ARHGAP45: variants seen among roughly 807,000 people sequenced by gnomAD.
ARHGAP45 encodes rho GTPase-activating protein 45.
ARHGAP45 carries 56 observed loss-of-function variants against 116.1 expected under a neutral mutation model. That is an observed-to-expected ratio of 0.48 (90% CI 0.39 to 0.60). ARHGAP45 has a LOEUF of 0.60. Ranked by LOEUF, ARHGAP45 falls within the 20% of genes least tolerant of loss-of-function variation. ARHGAP45 has a pLI of 0.00. For synonymous variants in ARHGAP45, 866 were observed against 701.7 expected, an observed-to-expected ratio of 1.23 and a Z score of -3.70; for missense variants, 1,622 against 1,601.0, an observed-to-expected ratio of 1.01 and a Z score of -0.22.
Position 1,086,294 on chromosome 19 carries a change from G to A in ARHGAP45, c.*288G>A, listed in dbSNP as rs1450576369. 1 of 390,448 alleles carries A rather than the reference G, an allele frequency of 2.6e-6. No homozygotes were observed. The highest frequency in any genetic ancestry group is 4.7e-6 in the Non-Finnish European group (1 of 211,598). 24.2% of individuals were successfully genotyped at this position (390,448 alleles called of 1,614,324 possible). On this transcript the variant is annotated 3_prime_UTR_variant, in exon 23 of 23. Coordinates refer to ENST00000313093, the MANE Select transcript of ARHGAP45 (RefSeq NM_012292.5). ...ACAGTGGCCTTGTTGGTGCCCACAGGGCTGTGTGGATGGAGGAAGCTGTCC... is the reference window on the plus strand; with the variant it reads ...ACAGTGGCCTTGTTGGTGCCCACAGAGCTGTGTGGATGGAGGAAGCTGTCC...
At chr19:1,066,278 G>A (rs1256671482), upstream of ARHGAP45, 23 of 775,596 alleles carry the variant, frequency 3.0e-5, 1 homozygote, top group Admixed American at 3.0e-4. Flanking sequence ...TTCACACTGC[G>A]GGGTGGGGGT....
chr19:1,067,483 G>GC lies in ARHGAP45; in HGVS notation c.79dup (p.Gln27ProfsTer13). 2.5e-6 allele frequency: 4 copies of GC among 1,601,336 alleles called. No homozygotes were observed. The highest frequency in any genetic ancestry group is 3.4e-6 in the Non-Finnish European group (4 of 1,174,894). On this transcript the variant is annotated frameshift_variant, in exon 1 of 23. Transcript: ENST00000313093. LOFTEE classifies it high-confidence loss of function. The stretch of plus-strand genomic sequence containing the variant: ...AGAACCGCGCGGGAAGCCCCAGCCC[G>GC]CAGCCCTCGGGGGTGAGTGGAGCCC...
Position 1,085,665 on chromosome 19 carries a change from C to A in ARHGAP45, c.3070C>A (p.Arg1024=). ...EAAADGCRES[R]VVSNDSDSDL... ...CATCTGTCTCCCTTTCTTAGAATCC[C>A]GAGTTGTGTCCAACGATTCGGACTC... Residue 1024 remains arginine, a synonymous_variant, in exon 23 of 23, where the codon CGA becomes AGA. Transcript: ENST00000313093. 1.9e-6 allele frequency: 3 copies of A among 1,562,408 alleles called. No individual in the cohort carries two copies. Among genetic ancestry groups the A allele is most frequent in the South Asian group, 2.3e-5 (2 of 85,464 alleles).
Position 1,073,975 on chromosome 19 carries a change from A to G in ARHGAP45, c.751A>G (p.Ser251Gly). Residue 251 changes from serine (S) to glycine (G), a missense_variant, in exon 6 of 23, where the codon AGT becomes GGT. Ser to Gly is a moderately conservative substitution (Grantham distance 56). Around this residue, in one of 3 missense-constraint regions of ARHGAP45, gnomAD observed 1,334 missense variants for 1,263.8 expected, o/e 1.06. Coordinates refer to ENST00000313093, the MANE Select transcript of ARHGAP45 (RefSeq NM_012292.5). ...QSMESLYGPGSEGTPPSLEDC... is the reference protein window; with the variant it reads ...QSMESLYGPGGEGTPPSLEDC... ...CATGGAAAGCCTGTATGGACCGGGCAGTGAGGGCACGCCTCCCAGCCTGGA... is the reference window on the plus strand; with the variant it reads ...CATGGAAAGCCTGTATGGACCGGGCGGTGAGGGCACGCCTCCCAGCCTGGA... The G allele has an allele frequency of 6.3e-7, 1 of 1,588,984 alleles. No individual in the cohort carries two copies. The highest frequency in any genetic ancestry group is 8.6e-7 in the Non-Finnish European group (1 of 1,168,506).
At chr19:1,077,698 T>A (rs576051839) in intron 10 of ARHGAP45, 159 bp from the exon 11 acceptor site, 30 of 1,479,162 alleles carry the variant, frequency 2.0e-5, no homozygotes, top group African/African-American at 2.8e-5. Flanking sequence ...TCCTCCTGTT[T>A]TTCCGCTGCC....
rs752685085 is a variant in ARHGAP45 at position 1,085,723 on chromosome 19, C to A, written c.3128C>A (p.Ser1043Ter). Residue 1043 changes from serine to a stop codon, truncating the protein, a stop_gained, in exon 23 of 23, where the codon TCA becomes TAA. Transcript: ENST00000313093. LOFTEE classifies it low-confidence loss of function (END_TRUNC). The part of the protein sequence containing the change: ...DLEEASELLS[S>*]SEASALGHLS... Reference sequence around the variant, plus strand: ...GAGGAGGCCTCCGAGCTGCTGTCCTCATCGGAGGCCAGTGCCCTGGGCCAC... The same window carrying A: ...GAGGAGGCCTCCGAGCTGCTGTCCTAATCGGAGGCCAGTGCCCTGGGCCAC... 1 of 1,610,898 alleles carries A rather than the reference C, an allele frequency of 6.2e-7. No individual in the cohort carries two copies. Among genetic ancestry groups the A allele is most frequent in the Non-Finnish European group, 8.5e-7 (1 of 1,178,942 alleles).
rs769760489 is a variant in ARHGAP45 at position 1,081,832 on chromosome 19, C to T, written c.2388C>T (p.Tyr796=). ...ERRALRTKGI[Y]RVNGVKTRVE... is the part of the protein sequence containing the mutation. ...CCCCCGGGCTCCCGCAGGGCATCTA[C>T]CGGGTCAATGGGGTAAAGACACGCG... is the stretch of plus-strand genomic sequence containing the variant. Residue 796 remains tyrosine, a synonymous_variant, in exon 19 of 23, where the codon TAC becomes TAT. Coordinates refer to ENST00000313093, the MANE Select transcript of ARHGAP45 (RefSeq NM_012292.5). 2.1e-5 allele frequency: 34 copies of T among 1,609,046 alleles called. No individual in the cohort carries two copies. Among genetic ancestry groups the T allele is most frequent in the Non-Finnish European group, 2.9e-5 (34 of 1,178,294 alleles).
upstream of ARHGAP45, chr19:1,067,139 C>A: frequency 8.6e-7 from 1 of 1,166,696 alleles, no homozygotes; most frequent in Non-Finnish European, 1.1e-6. Flanking sequence ...GGGCTGGGGG[C>A]GGGGCCTGCG....
chr19:1,083,714 C>T (rs1029861147), intron 21 of ARHGAP45, among the ~76,000 whole-genome samples: 1 of 152,190 alleles, frequency 6.6e-6, no homozygotes. Context: ...TGCCACTGCA[C>T]TCCGCCGCGA....
In ARHGAP45 at chr19:1,074,421, G is replaced by A. The variant is rs1421061275; in HGVS notation, c.993+14G>A. On this transcript the variant is annotated intron_variant, in intron 8 of 22. Coordinates refer to ENST00000313093, the MANE Select transcript of ARHGAP45 (RefSeq NM_012292.5). ...GTCATGCAGGAGGTGGGGGCCCCGC[G>A]GGCACGGGGCGGGGGTCCCTGGGCC... 2.6e-6 allele frequency: 4 copies of A among 1,523,462 alleles called. No individual in the cohort carries two copies. The highest frequency in any genetic ancestry group is 2.5e-5 in the South Asian group (2 of 79,702). The allele number at this position is 1,523,462 out of a possible 1,614,324, so 94.4% of individuals were successfully genotyped here.
At chr19:1,076,531 C>G (rs1215906369) in intron 10 of ARHGAP45, among the ~76,000 whole-genome samples, 1 of 115,106 alleles carries the variant, frequency 8.7e-6, no homozygotes, top group Non-Finnish European at 1.6e-5. Flanking sequence ...GAGCCTCACT[C>G]TGTTGCCCAG....
Position 1,068,368 on chromosome 19 carries a change from C to T in ARHGAP45, c.91-46C>T. The T allele has an allele frequency of 6.9e-7, 1 of 1,447,074 alleles. No homozygotes were observed. The highest frequency in any genetic ancestry group is 1.4e-5 in the African/African-American group (1 of 69,828). The allele number at this position is 1,447,074 out of a possible 1,614,324, so 89.6% of individuals were successfully genotyped here. A position where few individuals can be genotyped will look rare whatever the true frequency, so the allele number is the denominator to read the frequency against. ...TTTCTGGGGAAACTGAGGCCGTGTC[C>T]AGGCCGGAAAATCCCTTTAACGAGC... On this transcript the variant is annotated intron_variant, in intron 1 of 22. Transcript: ENST00000313093. The surrounding 1 kb of genome is among the most constrained non-coding windows in gnomAD (Gnocchi z 7.5).
Position 1,077,962 on chromosome 19 carries a change from G to A in ARHGAP45, c.1291G>A (p.Ala431Thr), listed in dbSNP as rs997365959. The A allele has an allele frequency of 1.9e-6, 3 of 1,553,132 alleles. No homozygotes were observed. In the South Asian group the frequency reaches 3.6e-5, roughly 18 times the overall value. ...CGTGGCCAAGGCGGAGGAGGAGCAG[G>A]CTGGCAGCGCGCCGGGAGCAGGCAG... ...FLVAKAEEEQ[A>T]GSAPGAGSTA... The change falls in exon 11 of 23, where the codon GCT becomes ACT. Residue 431 changes from alanine to threonine, a missense_variant. Physicochemically the swap from Ala to Thr is moderately conservative, Grantham distance 58. Around this residue, in one of 3 missense-constraint regions of ARHGAP45, gnomAD observed 1,334 missense variants for 1,263.8 expected, o/e 1.06. Coordinates refer to ENST00000313093, the MANE Select transcript of ARHGAP45 (RefSeq NM_012292.5).
chr19:1,077,813 C>T (rs750642485), intron 10 of ARHGAP45, 44 bp from the exon 11 acceptor site: 25 of 1,550,538 alleles, frequency 1.6e-5, no homozygotes, highest in South Asian at 4.8e-5. Flanking sequence ...GAGTCCCATC[C>T]GAGGATAGGG....
chr19:1,085,502 GTCTCTCCTCCA>G (rs1316095379), intron 22 of ARHGAP45, among the ~76,000 whole-genome samples, 147 bp from the exon 23 acceptor site: 7 of 144,644 alleles, frequency 4.8e-5, no homozygotes, highest in African/African-American at 7.8e-5. Context: ...CCCTCCCCTT[GTCTCTCCTCCA>G]TCTCTCCTGT....
chr19:1,066,280 G>C, upstream of ARHGAP45: 1 of 770,478 alleles, frequency 1.3e-6, no homozygotes, highest in Non-Finnish European at 1.9e-6. Context: ...CACACTGCGG[G>C]GTGGGGGTTG....
intron 10 of ARHGAP45, among the ~76,000 whole-genome samples, chr19:1,076,494 T>TGTTTG (rs1482488388): frequency 1.7e-5 from 2 of 120,346 alleles, no homozygotes; most frequent in African/African-American, 7.5e-5. Context: ...TTTTTTTTTT[T>TGTTTG]TTTTTTTTTT....
Position 1,080,007 on chromosome 19 carries a change from G to A in ARHGAP45, c.1592G>A (p.Ser531Asn). 3 of 1,612,974 alleles carry A rather than the reference G, an allele frequency of 1.9e-6. No homozygotes were observed. Among genetic ancestry groups the A allele is most frequent in the Non-Finnish European group, 1.7e-6 (2 of 1,179,918 alleles). The change falls in exon 13 of 23, where the codon AGC (serine) becomes AAC (asparagine). Residue 531 changes from serine (S) to asparagine (N), a missense_variant. This residue lies in a region of ARHGAP45 where 1,334 missense variants were observed against 1,263.8 expected (regional missense o/e 1.06). Coordinates refer to ENST00000313093, the MANE Select transcript of ARHGAP45 (RefSeq NM_012292.5). The part of the protein sequence containing the change: ...PVHFQMLCES[S>N]KLYDPGQQYA... ...CACTTCCAGATGCTGTGTGAGAGCA[G>A]CAAGCTGTATGACCCAGGCCAGCAG...
Position 1,073,746 on chromosome 19 carries a change from G to T in ARHGAP45, c.723G>T (p.Gln241His). 6.3e-7 allele frequency: 1 copy of T among 1,584,588 alleles called. No homozygotes were observed. The highest frequency in any genetic ancestry group is 8.6e-7 in the Non-Finnish European group (1 of 1,165,008). ...LLAVPPGDSS[Q>H]SMESLYGPGS... ...CAGTGCCTCCTGGGGACTCGAGCCA[G>T]GTGAGTGGGGTGGGCCAGGGCCACC... Residue 241 changes from glutamine (Q) to histidine (H), a missense_variant and splice_region_variant, in exon 5 of 23, where the codon CAG becomes CAT. Transcript: ENST00000313093.
Sources: allele counts gnomAD v4.1 joint callset (sites outside exome capture counted in the v4.1 genomes callset), GRCh38; gene constraint gnomAD v4.1.1; regional missense constraint gnomAD v4.1.1; non-coding constraint Gnocchi (gnomAD v3.1); transcripts MANE v1.5; gene names NCBI Gene and HGNC (gene_info 2026-07-23, HGNC 2026-07-21).